Variants in STXBP4 observed in about 807,000 individuals in gnomAD.
STXBP4 encodes the protein syntaxin-binding protein 4.
In STXBP4, 55 loss-of-function variants were observed where a neutral mutation model predicts 76.1. The ratio of observed to expected loss-of-function variants is 0.72; its 90% CI spans 0.58 to 0.91. The LOEUF (loss-of-function observed/expected upper bound fraction) is 0.91, where lower values mean the gene tolerates loss of function less well. STXBP4 is among the 40% of genes least tolerant of loss of function. STXBP4 has a pLI of 0.00. For synonymous variants in STXBP4, 201 were observed against 220.2 expected, an observed-to-expected ratio of 0.91 and a Z score of 0.77; for missense variants, 618 against 636.9, an observed-to-expected ratio of 0.97 and a Z score of 0.32.
intron 7 of STXBP4, among the ~76,000 whole-genome samples, 168 bp from the exon 8 acceptor site, chr17:55,007,338 C>A (rs2078027870): frequency 1.1e-5 from 1 of 94,494 alleles, no homozygotes; most frequent in Non-Finnish European, 2.5e-5. Context: ...TGTCCCCCCT[C>A]CAAAAAAAAA....
intron 17 of STXBP4, among the ~76,000 whole-genome samples, chr17:55,147,257 C>T (rs1382409380): frequency 2.0e-5 from 3 of 152,200 alleles, no homozygotes; most frequent in Non-Finnish European, 4.4e-5. Context: ...CAGGATGAAA[C>T]TGTTCTACCT....
At chr17:55,042,112 C>T (rs2078709957) in intron 10 of STXBP4, among the ~76,000 whole-genome samples, 1 of 152,080 alleles carries the variant, frequency 6.6e-6, no homozygotes, top group African/African-American at 2.4e-5. Flanking sequence ...AAGTTCTCCC[C>T]AAATATGAAG....
At chr17:55,125,910 GAC>G (rs2079906430) in intron 16 of STXBP4, among the ~76,000 whole-genome samples, 1 of 152,148 alleles carries the variant, frequency 6.6e-6, no homozygotes, top group Non-Finnish European at 1.5e-5. Flanking sequence ...GAGCACTGGA[GAC>G]AGAGACCCCC....
chr17:55,003,270 C>T (rs2077948910), intron 7 of STXBP4, among the ~76,000 whole-genome samples: 1 of 152,028 alleles, frequency 6.6e-6, no homozygotes, highest in African/African-American at 2.4e-5. Context: ...AAATTTATAC[C>T]AGTCGCTATA....
intron 16 of STXBP4, among the ~76,000 whole-genome samples, chr17:55,139,894 C>T (rs1249682808): frequency 6.6e-6 from 1 of 152,138 alleles, no homozygotes; most frequent in East Asian, 1.9e-4. Context: ...GAAATAAACA[C>T]AATGCAAATT....
chr17:55,028,952 A>G (rs1229672840), intron 8 of STXBP4, among the ~76,000 whole-genome samples: 1 of 152,184 alleles, frequency 6.6e-6, no homozygotes. Context: ...AAAATTGACC[A>G]TATGTCCCCT....
At chr17:55,132,680 T>C (rs1357978241) in intron 16 of STXBP4, among the ~76,000 whole-genome samples, 1 of 152,124 alleles carries the variant, frequency 6.6e-6, no homozygotes, top group African/African-American at 2.4e-5. Context: ...GAACAGTACC[T>C]CCTCTCATGG....
intron 12 of STXBP4, among the ~76,000 whole-genome samples, chr17:55,048,275 C>G (rs1052488911): frequency 1.3e-5 from 2 of 151,800 alleles, no homozygotes; most frequent in Non-Finnish European, 3.0e-5. Flanking sequence ...AAGCAGAACA[C>G]AACTTATTAA....
intron 10 of STXBP4, among the ~76,000 whole-genome samples, chr17:55,041,684 G>A (rs552396035): frequency 3.0e-4 from 46 of 152,286 alleles, no homozygotes; most frequent in African/African-American, 1.1e-3. Flanking sequence ...GGGTAAGGAG[G>A]TTGGGGGTTT....
At chr17:55,026,921 T>A (rs12940224) in intron 8 of STXBP4, among the ~76,000 whole-genome samples, 35,512 of 151,982 alleles carry the variant, frequency 0.23, 4,625 homozygotes, top group South Asian at 0.31. Context: ...CTGGAAAGGG[T>A]GTGGCCTGAA....
intron 1 of STXBP4, among the ~76,000 whole-genome samples, chr17:54,979,059 T>C (rs576574685): frequency 6.6e-6 from 1 of 152,332 alleles, no homozygotes; most frequent in Admixed American, 6.5e-5. Flanking sequence ...CAGATACTTC[T>C]GTGTGTTTGC....
chr17:54,999,785 A>G lies in STXBP4; in HGVS notation c.441A>G (p.Leu147=), dbSNP rs1425839676. ...LSLFSSPPEI[L]IPKTSSTPKT... ...TTTTTTCTTCTCCTCCTGAAATACTAATCCCAAAGACCTCATCCACTCCCA... is the reference window on the plus strand; with the variant it reads ...TTTTTTCTTCTCCTCCTGAAATACTGATCCCAAAGACCTCATCCACTCCCA... Residue 147 remains leucine (L), a synonymous_variant, in exon 6 of 18, where the codon CTA becomes CTG. Transcript: ENST00000376352. 6.2e-7 allele frequency: 1 copy of G among 1,613,664 alleles called. No homozygotes were observed. Among genetic ancestry groups the G allele is most frequent in the African/African-American group, 1.3e-5 (1 of 75,008 alleles).
At chr17:55,121,098 A>T (rs1045224448) in intron 16 of STXBP4, among the ~76,000 whole-genome samples, 2 of 152,192 alleles carry the variant, frequency 1.3e-5, no homozygotes, top group Admixed American at 1.3e-4. Flanking sequence ...AATTTTTCAG[A>T]ACCTAGTATG....
intron 16 of STXBP4, among the ~76,000 whole-genome samples, chr17:55,109,803 A>G (rs1412498495): frequency 6.6e-6 from 1 of 151,768 alleles, no homozygotes; most frequent in Non-Finnish European, 1.5e-5. Context: ...ATGGCTGGCT[A>G]ATTTTGTGTA....
the STXBP4 span, among the ~76,000 whole-genome samples, chr17:55,195,612 A>C: frequency 7.9e-5 from 12 of 152,164 alleles, no homozygotes; most frequent in Admixed American, 5.9e-4. Context: ...CACCGAGCTA[A>C]ATTTTTTATT....
At position 55,119,691 on chromosome 17, in the gene STXBP4, C is replaced by T. The variant is rs1266341549; in HGVS notation, c.1490-21619C>T. ...TAAGTATATAAAATAAAAATATATC[C>T]ATAAGCATATGACACTGACAGTAAA... On this transcript the variant is annotated intron_variant, in intron 16 of 17. Transcript: ENST00000376352. Among the ~76,000 whole-genome samples the T allele has an allele frequency of 2.0e-5, 3 of 151,740 alleles. No individual in the cohort carries two copies. In the East Asian group the frequency reaches 5.8e-4, roughly 29 times the overall value.
chr17:55,000,223 C>G, intron 6 of STXBP4: 1 of 985,338 alleles, frequency 1.0e-6, no homozygotes, highest in Non-Finnish European at 1.2e-6. Context: ...TAGCTTCTTT[C>G]CCACACAGTG....
In STXBP4 at chr17:55,043,729, A is replaced by G; in HGVS notation, c.945+404A>G. 10 of 1,267,942 alleles carry G rather than the reference A, an allele frequency of 7.9e-6. No homozygotes were observed. In the South Asian group the frequency reaches 1.3e-4, roughly 17 times the overall value. The allele number at this position is 1,267,942 out of a possible 1,614,324, so 78.5% of individuals were successfully genotyped here. Reference sequence around the variant, plus strand: ...TGCAGGGCTATTCTTAAGGGACATCATGTTTTGCTAACGTAATTTGGAATT... The same window carrying G: ...TGCAGGGCTATTCTTAAGGGACATCGTGTTTTGCTAACGTAATTTGGAATT... On this transcript the variant is annotated intron_variant, in intron 11 of 17. Transcript: ENST00000376352.
Position 55,068,939 on chromosome 17 carries a change from A to G in STXBP4, c.1012-3961A>G, listed in dbSNP as rs1209558940. Among the ~76,000 whole-genome samples, 6 of 152,206 alleles carry G rather than the reference A, an allele frequency of 3.9e-5. No homozygotes were observed. In the Middle Eastern group the frequency reaches 0.01, roughly 259 times the overall value. Reference sequence around the variant, plus strand: ...AAGTACTGTATGTGGAAAAACACATAGTATATTTATTGTCCTGTGTGTGAG... The same window carrying G: ...AAGTACTGTATGTGGAAAAACACATGGTATATTTATTGTCCTGTGTGTGAG... On this transcript the variant is annotated intron_variant, in intron 12 of 17. Transcript: ENST00000376352.
Sources: allele counts gnomAD v4.1 joint callset (sites outside exome capture counted in the v4.1 genomes callset), GRCh38; gene constraint gnomAD v4.1.1; transcripts MANE v1.5; gene names NCBI Gene and HGNC (gene_info 2026-07-23, HGNC 2026-07-21).